RGPD1: variants seen among roughly 807,000 people sequenced by gnomAD.
The protein encoded by RGPD1 is RANBP2-like and GRIP domain-containing protein 1.
A neutral mutation model predicts 40.6 loss-of-function variants in RGPD1; 7 were observed. That is an observed-to-expected ratio of 0.17 (90% CI 0.10 to 0.32). The LOEUF is 0.32. RGPD1 is among the 10% of genes least tolerant of loss of function. The pLI, the probability that RGPD1 is intolerant of heterozygous loss-of-function variation, is 1.00. For synonymous variants in RGPD1, 24 were observed against 167.0 expected (o/e 0.14, Z 6.60); for missense variants, 50 against 472.5 (o/e 0.11, Z 8.29).
intron 1 of RGPD1, among the ~76,000 whole-genome samples, chr2:86,925,548 A>T (rs1025411711): frequency 1.4e-4 from 22 of 152,364 alleles, no homozygotes; most frequent in African/African-American, 4.8e-4. Context: ...GATTACAGGC[A>T]TGAGCCACTG....
chr2:86,913,789 G>T (rs533993388), upstream of RGPD1: 1,264 of 1,462,068 alleles, frequency 8.6e-4, 20 homozygotes, highest in African/African-American at 0.015. Context: ...TGTTGGAATT[G>T]GCGACTGCTG....
At chr2:86,942,926 C>A (rs1307741579) in intron 1 of RGPD1, among the ~76,000 whole-genome samples, 1 of 152,036 alleles carries the variant, frequency 6.6e-6, no homozygotes, top group Non-Finnish European at 1.5e-5. Flanking sequence ...CGCTCGTGGG[C>A]CCGCCCTGGC....
intron 1 of RGPD1, among the ~76,000 whole-genome samples, chr2:86,927,000 C>G (rs1346166807): frequency 1.3e-5 from 2 of 152,124 alleles, no homozygotes; most frequent in Non-Finnish European, 2.9e-5. Context: ...TGGTACTGTT[C>G]CTGATCTTCT....
intron 1 of RGPD1, among the ~76,000 whole-genome samples, chr2:86,923,380 A>T (rs913481041): frequency 6.6e-5 from 10 of 151,546 alleles, no homozygotes; most frequent in South Asian, 6.2e-4. Flanking sequence ...ATGTTTTTTT[A>T]AATTGTGGTG....
upstream of RGPD1, among the ~76,000 whole-genome samples, chr2:86,939,035 T>C (rs1231875643): frequency 8.8e-6 from 1 of 114,116 alleles, no homozygotes; most frequent in Non-Finnish European, 1.8e-5. Flanking sequence ...AGTAAAGGTA[T>C]ACAATTTTTA....
At chr2:86,918,320 C>T (rs1301393462) in intron 1 of RGPD1, among the ~76,000 whole-genome samples, 3 of 150,388 alleles carry the variant, frequency 2.0e-5, no homozygotes, top group African/African-American at 7.4e-5. Context: ...TGATCTCCTT[C>T]TAGCTTTGGA....
chr2:86,986,859 AGAG>A lies in RGPD1; in HGVS notation c.3961_3963del (p.Glu1321del). On this transcript the variant is annotated inframe_deletion, in exon 20 of 23. Transcript: ENST00000641458. ...AAGAATCTGATGTTACTCAAGAAGA[AGAG>A]AGAGATGGACAGTACTTTGAACCTG... 1 of 1,536,266 alleles carries A rather than the reference AGAG, an allele frequency of 6.5e-7. No homozygotes were observed. Among genetic ancestry groups the A allele is most frequent in the Non-Finnish European group, 8.7e-7 (1 of 1,146,336 alleles).
intron 1 of RGPD1, chr2:86,930,524 G>A (rs1678860648): frequency 6.4e-7 from 1 of 1,560,580 alleles, no homozygotes; most frequent in African/African-American, 1.4e-5. Flanking sequence ...TAGCTCGTCG[G>A]TGGCGGAAGG....
chr2:86,942,466 C>CGGCCTCGACCTGGCCGGGCGGCGGCGG (rs1679899671), intron 1 of RGPD1, among the ~76,000 whole-genome samples, 158 bp downstream of exon 1: 4 of 53,648 alleles, frequency 7.5e-5, no homozygotes, highest in South Asian at 1.5e-3. Flanking sequence ...TGTTGAGGCG[C>CGGCCTCGACCTGGCCGGGCGGCGGCGG]CGGCCTCGAC....
intron 1 of RGPD1, among the ~76,000 whole-genome samples, 169 bp downstream of exon 1, chr2:86,942,477 C>T (rs555912476): frequency 5.7e-4 from 73 of 127,274 alleles, no homozygotes; most frequent in Non-Finnish European, 1.1e-3. Context: ...CGGCCTCGAC[C>T]TGGCCGGGCG....
chr2:86,923,199 C>T (rs1462751443), intron 1 of RGPD1, among the ~76,000 whole-genome samples: 39 of 147,134 alleles, frequency 2.7e-4, no homozygotes, highest in African/African-American at 6.5e-4. Context: ...CCACCATGCC[C>T]GGCTAATTTT....
At chr2:86,938,570 A>T (rs1175668355), upstream of RGPD1, among the ~76,000 whole-genome samples, 1 of 151,856 alleles carries the variant, frequency 6.6e-6, no homozygotes, top group Non-Finnish European at 1.5e-5. Context: ...AAGCAAGCTG[A>T]CATATTCAGA....
rs1682271037 is a variant in RGPD1, at chr2:87,013,443, A to G, written c.*896A>G. 6.4e-6 allele frequency: 1 copy of G among 157,454 alleles called. No homozygotes were observed. Among genetic ancestry groups the G allele is most frequent in the Non-Finnish European group, 1.2e-5 (1 of 81,938 alleles). The allele number at this position is 157,454 out of a possible 1,614,324, so 9.8% of individuals were successfully genotyped here. On this transcript the variant is annotated 3_prime_UTR_variant, in exon 23 of 23. Transcript: ENST00000641458. ...GAATCAGACAGGGGGGTTACAGGAA[A>G]TATTCAAGTAAACAATATAAAATGA... is the stretch of plus-strand genomic sequence containing the variant.
intron 1 of RGPD1, chr2:86,930,635 A>G: frequency 1.2e-6 from 2 of 1,611,372 alleles, no homozygotes; most frequent in South Asian, 2.2e-5. Context: ...AGCAGTGAAC[A>G]CTCTCACAGA....
chr2:86,960,530 C>A (rs1432376598), intron 6 of RGPD1, among the ~76,000 whole-genome samples: 2 of 111,956 alleles, frequency 1.8e-5, no homozygotes, highest in Non-Finnish European at 3.5e-5. Context: ...CAGCCCACAC[C>A]TGGCTAATTT....
intron 22 of RGPD1, among the ~76,000 whole-genome samples, chr2:87,009,032 A>G (rs62148334): frequency 0.35 from 52,225 of 149,508 alleles, 9,999 homozygotes; most frequent in East Asian, 0.45. Context: ...AAAGCCAGGC[A>G]TGGTGGCTTA....
At chr2:86,943,731 C>T (rs1004062793) in intron 1 of RGPD1, among the ~76,000 whole-genome samples, 10 of 152,254 alleles carry the variant, frequency 6.6e-5, no homozygotes, top group Admixed American at 6.5e-4. Context: ...AGGATATTGG[C>T]GGGGCGCAGT....
chr2:86,923,546 C>T (rs1239524414), intron 1 of RGPD1, among the ~76,000 whole-genome samples: 1 of 149,794 alleles, frequency 6.7e-6, no homozygotes, highest in African/African-American at 2.5e-5. Context: ...CGGAGTCTCG[C>T]CTTATCGCCT....
At chr2:86,928,646 A>C (rs1193698153) in intron 1 of RGPD1, among the ~76,000 whole-genome samples, 2 of 152,206 alleles carry the variant, frequency 1.3e-5, no homozygotes, top group African/African-American at 4.8e-5. Context: ...GGATGTGGAC[A>C]ATGGGAGAAT....
Sources: gnomAD v4.1 joint callset for allele counts (sites outside exome capture counted in the v4.1 genomes callset) on GRCh38, gnomAD v4.1.1 for gene constraint, MANE v1.5 for transcripts, NCBI Gene and HGNC (gene_info 2026-07-23, HGNC 2026-07-21) for gene names.